The following SGCZ variants were observed in gnomAD, a reference collection of about 807,000 sequenced individuals.
The protein encoded by SGCZ is zeta-sarcoglycan.
Under a neutral mutation model 41.3 loss-of-function variants are expected in SGCZ, and 40 were observed. The observed-to-expected ratio is 0.97, with a 90% CI of 0.75 to 1.26. SGCZ has a LOEUF of 1.26. Among genes scored for constraint, SGCZ ranks in the 50% most tolerant of loss-of-function variants. The pLI is 0.00. For synonymous variants in SGCZ, 206 were observed against 137.5 expected (o/e 1.50, Z -3.49); for missense variants, 552 against 369.8 (o/e 1.49, Z -4.04).
intron 1 of SGCZ, among the ~76,000 whole-genome samples, chr8:15,034,961 A>G (rs1351852050): frequency 6.6e-6 from 1 of 152,144 alleles, no homozygotes; most frequent in African/African-American, 2.4e-5. Flanking sequence ...CCTATTGGGA[A>G]TTTTTTTAAG....
chr8:14,747,538 C>A (rs1322358716), intron 1 of SGCZ, among the ~76,000 whole-genome samples: 1 of 151,916 alleles, frequency 6.6e-6, no homozygotes, highest in Non-Finnish European at 1.5e-5. Context: ...TGATTATCAA[C>A]AAGAAAAATC....
At chr8:14,960,064 C>A (rs1273162830) in intron 1 of SGCZ, among the ~76,000 whole-genome samples, 1 of 152,056 alleles carries the variant, frequency 6.6e-6, no homozygotes, top group Non-Finnish European at 1.5e-5. Context: ...AGAGGTTGCA[C>A]AGATTATAAA....
At chr8:14,206,152 G>C (rs1016634509) in intron 4 of SGCZ, among the ~76,000 whole-genome samples, 4 of 152,108 alleles carry the variant, frequency 2.6e-5, no homozygotes, top group East Asian at 1.9e-4. Flanking sequence ...ATAAGGTCAA[G>C]TTATTAATAT....
At chr8:15,074,962 G>A (rs1403520027) in intron 1 of SGCZ, among the ~76,000 whole-genome samples, 1 of 152,104 alleles carries the variant, frequency 6.6e-6, no homozygotes, top group Non-Finnish European at 1.5e-5. Context: ...GCTAGACGGT[G>A]AATATTCAAG....
intron 1 of SGCZ, among the ~76,000 whole-genome samples, chr8:14,838,466 A>G (rs549792976): frequency 1.3e-5 from 2 of 152,200 alleles, no homozygotes; most frequent in South Asian, 4.1e-4. Context: ...CCCAGAAGAC[A>G]ATATTCCTCT....
At chr8:14,240,356 G>GTT (rs1798833779) in intron 3 of SGCZ, among the ~76,000 whole-genome samples, 1 of 135,324 alleles carries the variant, frequency 7.4e-6, no homozygotes, top group Non-Finnish European at 1.6e-5. Flanking sequence ...AAAAAAAAAA[G>GTT]AACTGAAAGT....
At chr8:15,210,684 T>C (rs1228694246) in intron 1 of SGCZ, among the ~76,000 whole-genome samples, 1 of 152,126 alleles carries the variant, frequency 6.6e-6, no homozygotes, top group Non-Finnish European at 1.5e-5. Flanking sequence ...CTCATGATCT[T>C]GTATTGCTCA....
intron 1 of SGCZ, among the ~76,000 whole-genome samples, chr8:14,894,735 A>T (rs1294160067): frequency 6.6e-6 from 1 of 152,136 alleles, no homozygotes; most frequent in Non-Finnish European, 1.5e-5. Context: ...TCAGGTAAAA[A>T]TGTCGGTCTT....
At chr8:14,641,109 A>G (rs1042200070) in intron 1 of SGCZ, among the ~76,000 whole-genome samples, 4 of 151,712 alleles carry the variant, frequency 2.6e-5, no homozygotes, top group South Asian at 2.1e-4. Context: ...CAAAAAGATT[A>G]GAGGGGGTAG....
intron 1 of SGCZ, among the ~76,000 whole-genome samples, chr8:14,695,350 A>G (rs992032665): frequency 6.6e-6 from 1 of 152,204 alleles, no homozygotes; most frequent in African/African-American, 2.4e-5. Flanking sequence ...ATGTATTGCA[A>G]CTAATTAAAG....
chr8:14,896,518 C>G (rs1380377103), intron 1 of SGCZ, among the ~76,000 whole-genome samples: 1 of 152,030 alleles, frequency 6.6e-6, no homozygotes, highest in Non-Finnish European at 1.5e-5. Context: ...ACCCTGTCAT[C>G]CAAGCTTGAG....
intron 4 of SGCZ, among the ~76,000 whole-genome samples, chr8:14,218,826 T>TC (rs1391715305): frequency 4.6e-5 from 7 of 152,168 alleles, no homozygotes; most frequent in Non-Finnish European, 7.3e-5. Context: ...GTTGTGGTGG[T>TC]CCAAGAAGTT....
At chr8:14,558,782 A>G (rs1095403) in intron 1 of SGCZ, among the ~76,000 whole-genome samples, 9,073 of 152,136 alleles carry the variant, frequency 0.06, 880 homozygotes, top group African/African-American at 0.2. Context: ...CAAAAAGATA[A>G]TTCACCATGA....
chr8:14,435,825 T>C (rs1236206863), intron 2 of SGCZ, among the ~76,000 whole-genome samples: 1 of 152,226 alleles, frequency 6.6e-6, no homozygotes, highest in Non-Finnish European at 1.5e-5. Flanking sequence ...CGTATTTATT[T>C]AACAGGGCTA....
chr8:14,848,272 T>C (rs1803202404), intron 1 of SGCZ, among the ~76,000 whole-genome samples: 1 of 152,168 alleles, frequency 6.6e-6, no homozygotes. Context: ...ATTATTTAGA[T>C]ATAAATTCTC....
intron 2 of SGCZ, among the ~76,000 whole-genome samples, chr8:14,410,011 G>C (rs1799316281): frequency 1.3e-5 from 2 of 152,070 alleles, no homozygotes; most frequent in South Asian, 2.1e-4. Context: ...TGGCCTGTTA[G>C]GAACCTAGCC....
At chr8:14,419,076 C>G (rs533705479) in intron 2 of SGCZ, among the ~76,000 whole-genome samples, 21 of 151,890 alleles carry the variant, frequency 1.4e-4, no homozygotes, top group Middle Eastern at 3.4e-3. Context: ...CATAAGAAGC[C>G]TAGGAACAGA....
intron 1 of SGCZ, among the ~76,000 whole-genome samples, chr8:14,566,518 A>T (rs924598930): frequency 4.6e-5 from 7 of 152,234 alleles, no homozygotes; most frequent in Non-Finnish European, 7.3e-5. Flanking sequence ...TGAAAGCTTT[A>T]CTCATCATTA....
chr8:15,128,609 C>A (rs1807789292), intron 1 of SGCZ, among the ~76,000 whole-genome samples: 1 of 152,158 alleles, frequency 6.6e-6, no homozygotes, highest in Non-Finnish European at 1.5e-5. Context: ...CTCAGAAGCG[C>A]CCTGTGATCC....
Sources: gnomAD v4.1 joint callset for allele counts (sites outside exome capture counted in the v4.1 genomes callset) on GRCh38, gnomAD v4.1.1 for gene constraint, MANE v1.5 for transcripts, NCBI Gene and HGNC (gene_info 2026-07-23, HGNC 2026-07-21) for gene names.